ANK3: variants seen among roughly 807,000 people sequenced by gnomAD.
ANK3 encodes the protein ankyrin 3.
A neutral mutation model predicts 370.9 loss-of-function variants in ANK3; 57 were observed. The ratio of observed to expected loss-of-function variants is 0.15; its 90% confidence interval spans 0.12 to 0.19. The LOEUF (loss-of-function observed/expected upper bound fraction) is 0.19, where lower values mean the gene tolerates loss of function less well. Among genes scored for constraint, ANK3 ranks in the 10% least tolerant of loss-of-function variants. The pLI is 1.00. For missense variants in ANK3, 4,439 were observed against 5,302.1 expected (o/e 0.84, Z 5.06); for synonymous variants, 1,929 against 1,946.3 (o/e 0.99, Z 0.23).
intron 2 of ANK3, among the ~76,000 whole-genome samples, chr10:60,444,247 T>G (rs551505847): frequency 6.6e-6 from 1 of 152,024 alleles, no homozygotes; most frequent in South Asian, 2.1e-4. Flanking sequence ...TAACCCCAGC[T>G]AGAGAGCAAA....
intron 43 of ANK3, among the ~76,000 whole-genome samples, chr10:60,040,026 C>A (rs772267603): frequency 1.3e-5 from 2 of 152,080 alleles, no homozygotes; most frequent in African/African-American, 4.8e-5. Context: ...GCCTGACTTG[C>A]CTTAAGGCTT....
At chr10:60,668,819 TC>T (rs1458720763) in intron 1 of ANK3, among the ~76,000 whole-genome samples, 2 of 151,962 alleles carry the variant, frequency 1.3e-5, no homozygotes, top group African/African-American at 4.8e-5. Flanking sequence ...CGGTGAAACC[TC>T]ATCTCTACTA....
intron 1 of ANK3, among the ~76,000 whole-genome samples, chr10:60,657,392 C>T (rs1366394016): frequency 6.6e-6 from 1 of 152,132 alleles, no homozygotes; most frequent in East Asian, 1.9e-4. Context: ...TCAAGTGATC[C>T]TAAGATCTCT....
chr10:60,235,230 G>A (rs904384178), intron 7 of ANK3, among the ~76,000 whole-genome samples: 6 of 152,172 alleles, frequency 3.9e-5, no homozygotes, highest in Admixed American at 1.3e-4. Flanking sequence ...GCATCAGGTT[G>A]TCAAGGAGAG....
chr10:60,090,870 T>C (rs1024052204), intron 28 of ANK3, among the ~76,000 whole-genome samples: 2 of 152,196 alleles, frequency 1.3e-5, no homozygotes, highest in African/African-American at 4.8e-5. Flanking sequence ...TCTATTCAAA[T>C]TGAAAATGCA....
At chr10:60,278,325 TCA>T (rs2098118588) in intron 4 of ANK3, among the ~76,000 whole-genome samples, 1 of 152,194 alleles carries the variant, frequency 6.6e-6, no homozygotes, top group South Asian at 2.1e-4. Flanking sequence ...AATCTCTCTC[TCA>T]CACACATATA....
At chr10:60,520,639 C>T (rs2076326800) in intron 2 of ANK3, among the ~76,000 whole-genome samples, 1 of 152,006 alleles carries the variant, frequency 6.6e-6, no homozygotes, top group Non-Finnish European at 1.5e-5. Context: ...TTCTCCTGAC[C>T]ATCTAGGTCA....
chr10:60,389,616 C>A lies in ANK3; in HGVS notation c.-78G>T, dbSNP rs1474735836. 2 of 1,569,370 alleles carry A rather than the reference C, an allele frequency of 1.3e-6. No homozygotes were observed. Among genetic ancestry groups the A allele is most frequent in the Non-Finnish European group, 1.7e-6 (2 of 1,162,988 alleles). On this transcript the variant is annotated 5_prime_UTR_variant, in exon 1 of 44. Transcript: ENST00000280772. ...ATATCCTCAGGCACCTCTAATCAGG[C>A]TTACAGCAGCATTCCAATCACTAGA...
intron 1 of ANK3, among the ~76,000 whole-genome samples, chr10:60,722,332 A>G (rs1055437516): frequency 1.2e-4 from 18 of 152,142 alleles, no homozygotes; most frequent in African/African-American, 4.3e-4. Flanking sequence ...TAGTGCCACC[A>G]GCTCAGGAGA....
chr10:60,630,647 A>G (rs1409639940), intron 1 of ANK3, among the ~76,000 whole-genome samples: 1 of 152,178 alleles, frequency 6.6e-6, no homozygotes, highest in Non-Finnish European at 1.5e-5. Context: ...CAGGATAAGG[A>G]GCCAGCCATG....
chr10:60,064,875 A>T (rs780805552), intron 38 of ANK3, among the ~76,000 whole-genome samples: 1 of 152,170 alleles, frequency 6.6e-6, no homozygotes, highest in Non-Finnish European at 1.5e-5. Flanking sequence ...AAATAAAACA[A>T]GATTTTTGGA....
At chr10:60,547,886 T>A (rs1269023386) in intron 2 of ANK3, among the ~76,000 whole-genome samples, 2 of 152,188 alleles carry the variant, frequency 1.3e-5, no homozygotes, top group African/African-American at 2.4e-5. Flanking sequence ...GTTGTAGCCA[T>A]CTGGACATCA....
intron 18 of ANK3, 41 bp from the exon 19 acceptor site, chr10:60,173,227 C>A (rs1484470422): frequency 6.8e-7 from 1 of 1,477,140 alleles, no homozygotes. Context: ...ATCATAATTA[C>A]ACTTTTACTA....
chr10:60,044,201 A>G, intron 42 of ANK3: 1 of 984,288 alleles, frequency 1.0e-6, no homozygotes, highest in Non-Finnish European at 1.2e-6. Context: ...GCACAAAAGT[A>G]GCAGAGTTTT....
intron 31 of ANK3, among the ~76,000 whole-genome samples, 158 bp downstream of exon 31, chr10:60,084,998 AC>A (rs971856626): frequency 1.3e-5 from 2 of 152,050 alleles, no homozygotes; most frequent in Admixed American, 6.6e-5. Context: ...AAACACAGAA[AC>A]CCTCTGTTTG....
At chr10:60,312,269 G>A (rs988005056) in intron 1 of ANK3, among the ~76,000 whole-genome samples, 1 of 151,984 alleles carries the variant, frequency 6.6e-6, no homozygotes, top group African/African-American at 2.4e-5. Context: ...GCCCAGTGCT[G>A]GGCTGGGTGC....
intron 5 of ANK3, among the ~76,000 whole-genome samples, chr10:60,265,556 A>G (rs1048377974): frequency 1.3e-5 from 2 of 151,024 alleles, no homozygotes; most frequent in African/African-American, 4.9e-5. Flanking sequence ...TTTCATTATT[A>G]TATACTCAAA....
chr10:60,600,833 A>ATG (rs1224488977), intron 2 of ANK3, among the ~76,000 whole-genome samples: 2 of 152,198 alleles, frequency 1.3e-5, no homozygotes, highest in African/African-American at 4.8e-5. Context: ...ATTTGCTGTC[A>ATG]GGTAAGTAGC....
chr10:60,715,046 G>C (rs2079762433), intron 1 of ANK3, among the ~76,000 whole-genome samples: 1 of 152,002 alleles, frequency 6.6e-6, no homozygotes, highest in Admixed American at 6.6e-5. Context: ...CTTTACCCAA[G>C]GTGTTATTAA....
Sources: gnomAD v4.1 joint callset for allele counts (sites outside exome capture counted in the v4.1 genomes callset) on GRCh38, gnomAD v4.1.1 for gene constraint, MANE v1.5 for transcripts, NCBI Gene and HGNC (gene_info 2026-07-23, HGNC 2026-07-21) for gene names.